PPM1H: variants seen among roughly 807,000 people sequenced by gnomAD.
PPM1H encodes protein phosphatase, Mg2+/Mn2+ dependent 1H, also known as protein phosphatase 1H.
Under a neutral mutation model 54.9 loss-of-function variants are expected in PPM1H, and 27 were observed. That is an observed-to-expected ratio of 0.49 (90% CI 0.36 to 0.68). The LOEUF is 0.68. Among genes scored for constraint, PPM1H ranks in the 30% least tolerant of loss-of-function variants. The pLI is 0.00. For missense variants in PPM1H, 596 were observed against 667.8 expected (o/e 0.89, Z 1.19); for synonymous variants, 305 against 270.8 (o/e 1.13, Z -1.24).
chr12:62,752,372 G>A lies in PPM1H; in HGVS notation c.870-14786C>T, dbSNP rs117430841. ...ACTGTATGAAAGAAAAAAAAATTTTGTGACCTCACTTAGGCTTTAAGAATA... is the reference window on the plus strand; with the variant it reads ...ACTGTATGAAAGAAAAAAAAATTTTATGACCTCACTTAGGCTTTAAGAATA... On this transcript the variant is annotated intron_variant, in intron 4 of 9. Coordinates refer to ENST00000228705, the MANE Select transcript of PPM1H (RefSeq NM_020700.2). Among the ~76,000 whole-genome samples the A allele has an allele frequency of 3.9e-3, 600 of 152,188 alleles. 3 individuals carry two copies. Among genetic ancestry groups the A allele is most frequent in the Non-Finnish European group, 4.4e-3 (296 of 68,004 alleles).
intron 1 of PPM1H, among the ~76,000 whole-genome samples, chr12:62,860,663 C>T (rs768455360): frequency 2.6e-5 from 4 of 152,194 alleles, no homozygotes; most frequent in Non-Finnish European, 4.4e-5. Flanking sequence ...TGACGCATCT[C>T]CTACAACTCA....
chr12:62,876,436 T>C (rs1313147722), intron 1 of PPM1H, among the ~76,000 whole-genome samples: 1 of 152,226 alleles, frequency 6.6e-6, no homozygotes, highest in Non-Finnish European at 1.5e-5. Context: ...TTGTTAATGA[T>C]GCATTCAGTG....
At chr12:62,876,492 G>A (rs1479803565) in intron 1 of PPM1H, among the ~76,000 whole-genome samples, 2 of 152,130 alleles carry the variant, frequency 1.3e-5, no homozygotes, top group Non-Finnish European at 2.9e-5. Flanking sequence ...AACCTATGAA[G>A]GCAAGTAATC....
At chr12:62,881,875 C>A (rs1407874239) in intron 1 of PPM1H, among the ~76,000 whole-genome samples, 1 of 152,178 alleles carries the variant, frequency 6.6e-6, no homozygotes, top group East Asian at 1.9e-4. Context: ...CCCTCTTCAC[C>A]AATCCACTCT....
chr12:62,763,243 G>A (rs342145), intron 4 of PPM1H, among the ~76,000 whole-genome samples: 54,147 of 152,008 alleles, frequency 0.36, 9,815 homozygotes, highest in Middle Eastern at 0.46. Context: ...GGGGTTGAGT[G>A]CTGGCCTTTC....
At chr12:62,815,095 T>C (rs2076857941) in intron 2 of PPM1H, among the ~76,000 whole-genome samples, 1 of 152,028 alleles carries the variant, frequency 6.6e-6, no homozygotes, top group South Asian at 2.1e-4. Context: ...AACATTTGAG[T>C]GACTTCATGA....
At chr12:62,792,817 AG>A (rs1182743778) in intron 3 of PPM1H, among the ~76,000 whole-genome samples, 4 of 152,230 alleles carry the variant, frequency 2.6e-5, no homozygotes, top group African/African-American at 9.6e-5. Context: ...TAGTACTGAA[AG>A]GAACATTAAA....
At chr12:62,771,726 T>C (rs2076581125) in intron 4 of PPM1H, among the ~76,000 whole-genome samples, 1 of 152,240 alleles carries the variant, frequency 6.6e-6, no homozygotes, top group Non-Finnish European at 1.5e-5. Context: ...GGCAAGCACT[T>C]GTATAAACAT....
intron 1 of PPM1H, among the ~76,000 whole-genome samples, chr12:62,878,871 C>T (rs1870282305): frequency 6.6e-6 from 1 of 152,046 alleles, no homozygotes; most frequent in Admixed American, 6.6e-5. Flanking sequence ...ATCCGTAAGG[C>T]GGAGGTTGCT....
At chr12:62,667,573 T>C (rs540386567) in intron 8 of PPM1H, among the ~76,000 whole-genome samples, 3 of 152,296 alleles carry the variant, frequency 2.0e-5, no homozygotes, top group African/African-American at 7.2e-5. Flanking sequence ...GGCTTAGTAA[T>C]TGACATAGAA....
chr12:62,850,231 T>C (rs111915076), intron 1 of PPM1H, among the ~76,000 whole-genome samples: 4,031 of 152,288 alleles, frequency 0.026, 148 homozygotes, highest in African/African-American at 0.077. Context: ...CCTCCCAAAG[T>C]GCTGGGACTA....
At chr12:62,717,540 T>C (rs1319390877) in intron 6 of PPM1H, among the ~76,000 whole-genome samples, 1 of 151,782 alleles carries the variant, frequency 6.6e-6, no homozygotes, top group Non-Finnish European at 1.5e-5. Flanking sequence ...AGAAAGTAAC[T>C]GTGTGCATAT....
intron 1 of PPM1H, among the ~76,000 whole-genome samples, chr12:62,914,930 T>G (rs909295433): frequency 2.6e-5 from 4 of 152,202 alleles, no homozygotes; most frequent in Non-Finnish European, 5.9e-5. Flanking sequence ...AGGCCTCTTC[T>G]CCAACTCACC....
intron 1 of PPM1H, among the ~76,000 whole-genome samples, chr12:62,919,768 C>T (rs1871735132): frequency 6.6e-6 from 1 of 152,112 alleles, no homozygotes; most frequent in African/African-American, 2.4e-5. Context: ...ATACAAATCA[C>T]ATCTGGTGGT....
chr12:62,878,064 A>AT (rs962258174), intron 1 of PPM1H, among the ~76,000 whole-genome samples: 7 of 151,946 alleles, frequency 4.6e-5, no homozygotes, highest in African/African-American at 1.4e-4. Context: ...CGCCCGGCTA[A>AT]TTTTTTGTAT....
chr12:62,809,738 A>G (rs1470700999), intron 2 of PPM1H, among the ~76,000 whole-genome samples: 2 of 152,198 alleles, frequency 1.3e-5, no homozygotes, highest in Admixed American at 1.3e-4. Context: ...TTTCTCTTAG[A>G]TGCTGACATG....
intron 4 of PPM1H, among the ~76,000 whole-genome samples, chr12:62,787,382 T>C (rs1464090150): frequency 6.6e-6 from 1 of 152,230 alleles, no homozygotes; most frequent in Non-Finnish European, 1.5e-5. Flanking sequence ...AAGAGTCAGT[T>C]CTTTGGAAAA....
In PPM1H at chr12:62,812,345, T is replaced by C. The variant is rs375624991; in HGVS notation, c.412-10185A>G. Among the ~76,000 whole-genome samples the C allele has an allele frequency of 1.1e-3, 165 of 152,300 alleles. 2 individuals are homozygous for C. Among genetic ancestry groups the C allele is most frequent in the African/African-American group, 3.9e-3 (160 of 41,552 alleles). On this transcript the variant is annotated intron_variant, in intron 2 of 9. Transcript: ENST00000228705. ...GACATAATACCTTCAAAATTACTCA[T>C]ATTCATTCTAACAAATGTTTAACCT...
intron 7 of PPM1H, among the ~76,000 whole-genome samples, chr12:62,690,147 T>A (rs1476996731): frequency 6.6e-6 from 1 of 152,062 alleles, no homozygotes; most frequent in East Asian, 1.9e-4. Flanking sequence ...AGAAATCAGT[T>A]CATATCAAAC....
Sources: allele counts gnomAD v4.1 joint callset (sites outside exome capture counted in the v4.1 genomes callset), GRCh38; gene constraint gnomAD v4.1.1; transcripts MANE v1.5; gene names NCBI Gene and HGNC (gene_info 2026-07-23, HGNC 2026-07-21).